The following SNAPC1 variants were observed in gnomAD, a reference collection of about 807,000 sequenced individuals.
SNAPC1 encodes the protein small nuclear RNA activating complex polypeptide 1.
SNAPC1 carries 42 observed loss-of-function variants against 50.1 expected under a neutral mutation model. The observed-to-expected ratio is 0.84, with a 90% confidence interval of 0.65 to 1.08. SNAPC1 has a LOEUF of 1.08. SNAPC1 is among the 50% of genes least tolerant of loss of function. The pLI, the probability that SNAPC1 is intolerant of heterozygous loss-of-function variation, is 0.00. For missense variants in SNAPC1, 477 were observed against 427.3 expected, an observed-to-expected ratio of 1.12 and a Z score of -1.02; for synonymous variants, 164 against 144.2, an observed-to-expected ratio of 1.14 and a Z score of -0.98.
intron 8 of SNAPC1, among the ~76,000 whole-genome samples, chr14:61,789,777 T>C (rs1209461361): frequency 1.3e-5 from 2 of 152,184 alleles, no homozygotes; most frequent in African/African-American, 2.4e-5. Context: ...AAGTTTACAC[T>C]TCAATTGGTA....
chr14:61,784,462 T>G (rs1277874955), intron 8 of SNAPC1, among the ~76,000 whole-genome samples: 1 of 147,384 alleles, frequency 6.8e-6, no homozygotes, highest in African/African-American at 2.5e-5. Flanking sequence ...CATTCTTGAT[T>G]TAAAAAAAAA....
intron 6 of SNAPC1, 149 bp from the exon 7 acceptor site, chr14:61,778,699 T>C: frequency 3.2e-6 from 2 of 620,478 alleles, no homozygotes; most frequent in Non-Finnish European, 5.7e-6. Context: ...TTTATGTGTG[T>C]GTACTCAATG....
At chr14:61,771,654 G>C (rs1363081904) in intron 4 of SNAPC1, among the ~76,000 whole-genome samples, 3 of 152,176 alleles carry the variant, frequency 2.0e-5, no homozygotes, top group African/African-American at 7.2e-5. Flanking sequence ...TTGGAGTTGA[G>C]GTAAGGAGCT....
chr14:61,780,958 A>G (rs2045067688), intron 7 of SNAPC1, among the ~76,000 whole-genome samples: 1 of 152,214 alleles, frequency 6.6e-6, no homozygotes, highest in Non-Finnish European at 1.5e-5. Flanking sequence ...GAATAATATG[A>G]CAATCATTTA....
intron 7 of SNAPC1, among the ~76,000 whole-genome samples, chr14:61,781,450 C>CAA (rs769588943): frequency 0.022 from 1,400 of 63,522 alleles, 26 homozygotes; most frequent in Middle Eastern, 0.029. Context: ...ACTCCATCTC[C>CAA]AAAAAAAAAA....
chr14:61,778,272 C>A, intron 6 of SNAPC1, 132 bp downstream of exon 6: 1 of 546,866 alleles, frequency 1.8e-6, no homozygotes. Flanking sequence ...GTAGTTTGTT[C>A]TTTACTGGAA....
chr14:61,770,531 A>G (rs2044980945), intron 4 of SNAPC1, among the ~76,000 whole-genome samples: 1 of 152,092 alleles, frequency 6.6e-6, no homozygotes, highest in South Asian at 2.1e-4. Context: ...GGTGTGAGCC[A>G]CTGTGCCCGG....
chr14:61,794,899 T>TG, intron 9 of SNAPC1, 50 bp from the exon 10 acceptor site: 1 of 1,138,912 alleles, frequency 8.8e-7, no homozygotes, highest in Non-Finnish European at 1.3e-6. Flanking sequence ...TTTTTGTTTG[T>TG]TTTTTTTTTG....
In SNAPC1 at chr14:61,792,846, G is replaced by A; in HGVS notation, c.1016G>A (p.Ser339Asn). ...ATACACAAGGAAGATAAACCTTTAA[G>A]TCTGAGTATGCCTGTAATTACAGAA... Reference protein sequence around the residue: ...QNIHKEDKPLSLSMPVITEEE... With the variant: ...QNIHKEDKPLNLSMPVITEEE... The change falls in exon 9 of 10, where the codon AGT (serine) becomes AAT (asparagine). Residue 339 changes from serine to asparagine, a missense_variant. By Grantham distance (46) the Ser-to-Asn change is conservative. Coordinates refer to ENST00000216294, the MANE Select transcript of SNAPC1 (RefSeq NM_003082.4). The A allele has an allele frequency of 6.2e-7, 1 of 1,602,896 alleles. No individual in the cohort carries two copies. The highest frequency in any genetic ancestry group is 8.5e-7 in the Non-Finnish European group (1 of 1,172,684).
At chr14:61,789,814 T>C (rs2045139679) in intron 8 of SNAPC1, among the ~76,000 whole-genome samples, 2 of 152,214 alleles carry the variant, frequency 1.3e-5, no homozygotes, top group African/African-American at 2.4e-5. Flanking sequence ...GCTGAAACTT[T>C]TGAGCAAGAA....
chr14:61,790,721 G>A (rs1266478837), intron 8 of SNAPC1, among the ~76,000 whole-genome samples: 2 of 152,088 alleles, frequency 1.3e-5, no homozygotes, highest in Non-Finnish European at 2.9e-5. Context: ...ACTGGAACGA[G>A]TCTGTCTGAA....
intron 8 of SNAPC1, among the ~76,000 whole-genome samples, chr14:61,784,862 A>G (rs1025104531): frequency 6.6e-6 from 1 of 152,206 alleles, no homozygotes; most frequent in Non-Finnish European, 1.5e-5. Context: ...TAATTAGATA[A>G]GAGAGTGAAG....
At chr14:61,792,187 CTG>C (rs1031504096) in intron 8 of SNAPC1, among the ~76,000 whole-genome samples, 3 of 151,540 alleles carry the variant, frequency 2.0e-5, no homozygotes, top group Admixed American at 1.3e-4. Flanking sequence ...AAAATAGTCA[CTG>C]TTTATGGGGG....
intron 1 of SNAPC1, among the ~76,000 whole-genome samples, chr14:61,763,842 A>G (rs1381843785): frequency 6.6e-6 from 1 of 152,224 alleles, no homozygotes; most frequent in Non-Finnish European, 1.5e-5. Flanking sequence ...ATATCTGTAA[A>G]ATAGAGGCAA....
rs35024052 is a variant in SNAPC1 at position 61,792,530 on chromosome 14, T to G, written c.977-277T>G. ...AACCCCTGTCATGTGTGGTAAAGATTAAATATGGTATTTGTGTTTGGCTAA... is the reference window on the plus strand; with the variant it reads ...AACCCCTGTCATGTGTGGTAAAGATGAAATATGGTATTTGTGTTTGGCTAA... On this transcript the variant is annotated intron_variant, in intron 8 of 9. Coordinates refer to ENST00000216294, the MANE Select transcript of SNAPC1 (RefSeq NM_003082.4). 7.0e-3 allele frequency among the ~76,000 whole-genome samples: 1,065 copies of G among 152,354 alleles called. 6 individuals are homozygous for G. The highest frequency in any genetic ancestry group is 0.01 in the Non-Finnish European group (713 of 68,018).
At chr14:61,767,378 T>G (rs960099905) in intron 3 of SNAPC1, 26 bp downstream of exon 3, 3 of 1,384,096 alleles carry the variant, frequency 2.2e-6, no homozygotes. Context: ...TAATTTGGTT[T>G]TTTCAAAATG....
rs758966241 is a variant in SNAPC1, at chr14:61,778,841, C to A, written c.763-7C>A. ...TAACTTTTTTTTCCTTCTTATTTTA[C>A]ATCCAGAGATGTGAAAGGGCAGAAT... On this transcript the variant is annotated splice_region_variant and splice_polypyrimidine_tract_variant and intron_variant, in intron 6 of 9. Coordinates refer to ENST00000216294, the MANE Select transcript of SNAPC1 (RefSeq NM_003082.4). The A allele has an allele frequency of 4.5e-6, 7 of 1,542,220 alleles. No individual in the cohort carries two copies. In the East Asian group the frequency reaches 1.4e-4, roughly 32 times the overall value.
intron 1 of SNAPC1, among the ~76,000 whole-genome samples, chr14:61,763,685 A>G (rs1446990784): frequency 6.6e-6 from 1 of 151,556 alleles, no homozygotes; most frequent in Non-Finnish European, 1.5e-5. Context: ...CCCTGTTTTT[A>G]TTTTATGTCA....
chr14:61,792,748 T>A (rs1381802351), intron 8 of SNAPC1, 59 bp from the exon 9 acceptor site: 1 of 960,242 alleles, frequency 1.0e-6, no homozygotes. Context: ...GTAAAATGTT[T>A]TCTCAAAGAT....
Sources: gnomAD v4.1 joint callset for allele counts (sites outside exome capture counted in the v4.1 genomes callset) on GRCh38, gnomAD v4.1.1 for gene constraint, MANE v1.5 for transcripts, NCBI Gene and HGNC (gene_info 2026-07-23, HGNC 2026-07-21) for gene names.